PLEKHG4B: variants seen among roughly 807,000 people sequenced by gnomAD.
The protein encoded by PLEKHG4B is pleckstrin homology domain-containing family G member 4B.
PLEKHG4B carries 111 observed loss-of-function variants against 121.3 expected under a neutral mutation model. The observed-to-expected ratio is 0.92, with a 90% CI of 0.78 to 1.07. The LOEUF is 1.07. PLEKHG4B is among the 50% of genes least tolerant of loss of function. PLEKHG4B has a pLI of 0.00. For missense variants in PLEKHG4B, 1,831 were observed against 1,757.8 expected (o/e 1.04, Z -0.74); for synonymous variants, 738 against 725.0 (o/e 1.02, Z -0.29).
Position 183,794 on chromosome 5 carries a change from TA to T in PLEKHG4B, c.*1472del, listed in dbSNP as rs1733508947. The stretch of plus-strand genomic sequence containing the variant: ...AGATTCAGAAGACCCAGACCGACCT[TA>T]CAGGGATGAGAAACTACAATATTGA... On this transcript the variant is annotated 3_prime_UTR_variant, in exon 20 of 20. Coordinates refer to ENST00000637938, the MANE Select transcript of PLEKHG4B (RefSeq NM_052909.5). 6.6e-6 allele frequency: 1 copy of T among 152,134 alleles called. No individual in the cohort carries two copies. The highest frequency in any genetic ancestry group is 1.5e-5 in the Non-Finnish European group (1 of 68,042). 9.4% of individuals were successfully genotyped at this position (152,134 alleles called of 1,614,324 possible).
At chr5:99,853 G>A (rs771529498) in intron 1 of PLEKHG4B, among the ~76,000 whole-genome samples, 1 of 152,064 alleles carries the variant, frequency 6.6e-6, no homozygotes, top group Non-Finnish European at 1.5e-5. Context: ...TATATTAGCT[G>A]TGTGTTTTTC....
intron 13 of PLEKHG4B, among the ~76,000 whole-genome samples, chr5:166,683 C>T (rs1736363621): frequency 6.6e-6 from 1 of 152,180 alleles, no homozygotes; most frequent in South Asian, 2.1e-4. Flanking sequence ...AGATGGGTAC[C>T]AGTCGGTGGC....
Position 139,952 on chromosome 5 carries a change from A to G in PLEKHG4B, c.713A>G (p.His238Arg). The part of the protein sequence containing the change: ...PVPTQATAGP[H>R]FQGSASCPDT... Reference sequence around the variant, plus strand: ...CCCACCCAAGCCACAGCAGGCCCCCATTTCCAGGGAAGCGCCTCTTGCCCC... The same window carrying G: ...CCCACCCAAGCCACAGCAGGCCCCCGTTTCCAGGGAAGCGCCTCTTGCCCC... Residue 238 changes from histidine to arginine, a missense_variant, in exon 3 of 20, where the codon CAT becomes CGT. By Grantham distance (29) the His-to-Arg change is conservative (BLOSUM62 0). Coordinates refer to ENST00000637938, the MANE Select transcript of PLEKHG4B (RefSeq NM_052909.5). The surrounding 1 kb of genome is among the most constrained non-coding windows in gnomAD (Gnocchi z 5.0). 2.5e-6 allele frequency: 1 copy of G among 407,274 alleles called. No individual in the cohort carries two copies. Among genetic ancestry groups the G allele is most frequent in the Non-Finnish European group, 4.3e-6 (1 of 231,322 alleles). 25.2% of individuals were successfully genotyped at this position (407,274 alleles called of 1,614,324 possible).
chr5:96,586 G>A (rs1224411748), intron 1 of PLEKHG4B, among the ~76,000 whole-genome samples: 2 of 152,164 alleles, frequency 1.3e-5, no homozygotes, highest in Non-Finnish European at 2.9e-5. Context: ...ATGGATTGTT[G>A]AGAAAGATTA....
At chr5:100,012 G>A (rs1414324135) in intron 1 of PLEKHG4B, among the ~76,000 whole-genome samples, 2 of 151,966 alleles carry the variant, frequency 1.3e-5, no homozygotes, top group South Asian at 2.1e-4. Context: ...CTGTTAATGT[G>A]GTGTATTACA....
intron 3 of PLEKHG4B, 57 bp downstream of exon 3, chr5:140,773 A>T: frequency 2.5e-6 from 3 of 1,222,456 alleles, no homozygotes; most frequent in Admixed American, 8.2e-5. Context: ...TACACATCCC[A>T]CAATCTCCCC....
chr5:139,965 C>CG lies in PLEKHG4B; in HGVS notation c.727dup (p.Ala243GlyfsTer61). 1 of 407,620 alleles carries CG rather than the reference C, an allele frequency of 2.5e-6. No individual in the cohort carries two copies. Among genetic ancestry groups the CG allele is most frequent in the Admixed American group, 4.1e-5 (1 of 24,568 alleles). The allele number at this position is 407,620 out of a possible 1,614,324, so 25.3% of individuals were successfully genotyped here. A position where few individuals can be genotyped will look rare whatever the true frequency, so the allele number is the denominator to read the frequency against. On this transcript the variant is annotated frameshift_variant, in exon 3 of 20. Coordinates refer to ENST00000637938, the MANE Select transcript of PLEKHG4B (RefSeq NM_052909.5). LOFTEE classifies it high-confidence loss of function. The surrounding 1 kb of genome is among the most constrained non-coding windows in gnomAD (Gnocchi z 5.0). ...CAGCAGGCCCCCATTTCCAGGGAAG[C>CG]GCCTCTTGCCCCGACACCCTGACCT... is the stretch of plus-strand genomic sequence containing the variant.
chr5:132,817 C>T (rs553365765), intron 2 of PLEKHG4B, among the ~76,000 whole-genome samples: 6 of 152,104 alleles, frequency 3.9e-5, no homozygotes, highest in African/African-American at 1.2e-4. Flanking sequence ...AGTTTGAAGT[C>T]GGGTGATGTG....
In PLEKHG4B at chr5:156,322, G is replaced by C. The variant is rs1735781223; in HGVS notation, c.2348+112G>C. ...TCCAAGGAGAGCCCCCTCTGTGCTT[G>C]GTCCAGACCTCCATTCTGACAGCCA... On this transcript the variant is annotated intron_variant, in intron 10 of 19. Transcript: ENST00000637938. The surrounding 1 kb of genome is among the most constrained non-coding windows in gnomAD (Gnocchi z 4.4). The C allele has an allele frequency of 8.7e-7, 1 of 1,143,062 alleles. No individual in the cohort carries two copies. The highest frequency in any genetic ancestry group is 1.1e-6 in the Non-Finnish European group (1 of 884,886). The allele number at this position is 1,143,062 out of a possible 1,614,324, so 70.8% of individuals were successfully genotyped here. A position where few individuals can be genotyped will look rare whatever the true frequency, so the allele number is the denominator to read the frequency against.
intron 13 of PLEKHG4B, among the ~76,000 whole-genome samples, chr5:166,557 T>C (rs981242361): frequency 7.8e-4 from 117 of 150,308 alleles, no homozygotes; most frequent in African/African-American, 2.8e-3. Context: ...CTCACACTAA[T>C]GCTCTGACGG....
intron 1 of PLEKHG4B, among the ~76,000 whole-genome samples, chr5:102,886 T>C (rs375341082): frequency 2.3e-4 from 35 of 152,334 alleles, no homozygotes; most frequent in African/African-American, 7.9e-4. Context: ...GTGGCTTTTT[T>C]CTGCTGAGTC....
In PLEKHG4B at chr5:139,931, C is replaced by G. The variant is rs1579276865; in HGVS notation, c.692C>G (p.Thr231Ser). 1 of 407,840 alleles carries G rather than the reference C, an allele frequency of 2.5e-6. No individual in the cohort carries two copies. Among genetic ancestry groups the G allele is most frequent in the East Asian group, 3.6e-5 (1 of 28,114 alleles). 25.3% of individuals were successfully genotyped at this position (407,840 alleles called of 1,614,324 possible). A position where few individuals can be genotyped will look rare whatever the true frequency, so the allele number is the denominator to read the frequency against. ...PSSPSEAPVPTQATAGPHFQG... is the reference protein window; with the variant it reads ...PSSPSEAPVPSQATAGPHFQG... Reference sequence around the variant, plus strand: ...AGCCCCTCAGAGGCCCCAGTCCCCACCCAAGCCACAGCAGGCCCCCATTTC... The same window carrying G: ...AGCCCCTCAGAGGCCCCAGTCCCCAGCCAAGCCACAGCAGGCCCCCATTTC... Residue 231 changes from threonine (T) to serine (S), a missense_variant, in exon 3 of 20, where the codon ACC becomes AGC. Thr to Ser is a moderately conservative substitution (Grantham distance 58). Coordinates refer to ENST00000637938, the MANE Select transcript of PLEKHG4B (RefSeq NM_052909.5). This position sits in a 1 kb window ranked among gnomAD's most constrained non-coding sequence, Gnocchi z 5.0.
chr5:154,621 C>CTTTTTTTTTTTTTTT (rs35893349), intron 7 of PLEKHG4B, among the ~76,000 whole-genome samples: 3 of 131,882 alleles, frequency 2.3e-5, no homozygotes, highest in African/African-American at 5.8e-5. Flanking sequence ...TCCTTCCTCC[C>CTTTTTTTTTTTTTTT]TTTTTTTTTT....
intron 2 of PLEKHG4B, among the ~76,000 whole-genome samples, chr5:135,413 T>C: frequency 6.6e-6 from 1 of 150,914 alleles, no homozygotes; most frequent in East Asian, 2.0e-4. Context: ...ACGCTTGCAA[T>C]GCCAGTACTT....
At chr5:128,227 C>T (rs913787398) in intron 2 of PLEKHG4B, among the ~76,000 whole-genome samples, 13 of 152,192 alleles carry the variant, frequency 8.5e-5, no homozygotes, top group Non-Finnish European at 1.5e-4. Flanking sequence ...AATTTTCCCC[C>T]ACCAAGGACA....
chr5:156,693 G>C lies in PLEKHG4B; in HGVS notation c.2349-80G>C. On this transcript the variant is annotated intron_variant, in intron 10 of 19. Transcript: ENST00000637938. This position sits in a 1 kb window ranked among gnomAD's most constrained non-coding sequence, Gnocchi z 4.4. ...GGCATGAGGGAATGGAAAGAGCAGG[G>C]TTTTTATATGGGGTTGTCACCAAGA... 6.8e-7 allele frequency: 1 copy of C among 1,477,962 alleles called. No homozygotes were observed. Among genetic ancestry groups the C allele is most frequent in the Non-Finnish European group, 9.0e-7 (1 of 1,107,502 alleles). 91.6% of individuals were successfully genotyped at this position (1,477,962 alleles called of 1,614,324 possible).
At chr5:162,080 TG>T in intron 12 of PLEKHG4B, 136 bp downstream of exon 12, 5 of 1,023,598 alleles carry the variant, frequency 4.9e-6, no homozygotes, top group Non-Finnish European at 6.4e-6. Flanking sequence ...GGAGCCCCCC[TG>T]GCCACTGCGC....
At chr5:178,050 C>T (rs73732947) in intron 18 of PLEKHG4B, among the ~76,000 whole-genome samples, 2,266 of 152,186 alleles carry the variant, frequency 0.015, 59 homozygotes, top group African/African-American at 0.051. Flanking sequence ...GTTGGGGGAA[C>T]GTGAGGATGC....
chr5:161,705 A>G, intron 11 of PLEKHG4B, 78 bp from the exon 12 acceptor site: 1 of 1,599,702 alleles, frequency 6.3e-7, no homozygotes, highest in Non-Finnish European at 8.5e-7. Flanking sequence ...CAGTGGCTAC[A>G]CGCAGACCCA....
Sources: gnomAD v4.1 joint callset for allele counts (sites outside exome capture counted in the v4.1 genomes callset) on GRCh38, gnomAD v4.1.1 for gene constraint, Gnocchi (gnomAD v3.1) non-coding constraint, MANE v1.5 for transcripts, NCBI Gene and HGNC (gene_info 2026-07-23, HGNC 2026-07-21) for gene names.